The following PIGN variants were observed in gnomAD, a reference collection of about 807,000 sequenced individuals.
PIGN encodes GPI ethanolamine phosphate transferase 1.
PIGN carries 117 observed loss-of-function variants against 125.4 expected under a neutral mutation model. The observed-to-expected ratio is 0.93, with a 90% CI of 0.80 to 1.09. The LOEUF (loss-of-function observed/expected upper bound fraction) is 1.09. Ranked by LOEUF, PIGN falls within the 50% of genes least tolerant of loss-of-function variation. The pLI is 0.00. For missense variants in PIGN, 1,075 were observed against 1,094.9 expected (o/e 0.98, Z 0.26); for synonymous variants, 392 against 377.8 (o/e 1.04, Z -0.44).
chr18:62,173,855 A>T (rs1248178125), intron 1 of PIGN, among the ~76,000 whole-genome samples: 2 of 152,208 alleles, frequency 1.3e-5, no homozygotes, highest in African/African-American at 4.8e-5. Context: ...TTCCAATTGG[A>T]ACACAAGGAA....
intron 21 of PIGN, among the ~76,000 whole-genome samples, chr18:62,102,006 T>C (rs147749161): frequency 0.02 from 3,004 of 151,970 alleles, 103 homozygotes; most frequent in African/African-American, 0.069. Flanking sequence ...GGTGGGTGGA[T>C]CACCTGAGGT....
At chr18:62,166,182 C>T (rs2037128157) in intron 1 of PIGN, among the ~76,000 whole-genome samples, 1 of 152,170 alleles carries the variant, frequency 6.6e-6, no homozygotes, top group Non-Finnish European at 1.5e-5. Context: ...GCAGGACCTT[C>T]TTGCTTTTAG....
At chr18:62,126,258 C>T (rs371370780) in intron 14 of PIGN, among the ~76,000 whole-genome samples, 2 of 152,068 alleles carry the variant, frequency 1.3e-5, no homozygotes, top group South Asian at 2.1e-4. Context: ...AATTATCATA[C>T]TTTCTAGTGA....
At chr18:62,038,162 G>A (rs545588005), downstream of PIGN, among the ~76,000 whole-genome samples, 34 of 152,260 alleles carry the variant, frequency 2.2e-4, no homozygotes, top group African/African-American at 7.7e-4. Flanking sequence ...GTCTGAATCA[G>A]TTTTCATGGA....
intron 1 of PIGN, among the ~76,000 whole-genome samples, chr18:62,169,954 G>A (rs1390041890): frequency 1.3e-5 from 2 of 152,146 alleles, no homozygotes; most frequent in African/African-American, 4.8e-5. Flanking sequence ...TGACAAACTA[G>A]TTGTTTTCCA....
intron 1 of PIGN, among the ~76,000 whole-genome samples, chr18:62,182,112 G>C (rs2037738998): frequency 6.6e-6 from 1 of 152,096 alleles, no homozygotes; most frequent in African/African-American, 2.4e-5. Context: ...GACCAATGTT[G>C]AACAGTCTCT....
intron 30 of PIGN, among the ~76,000 whole-genome samples, chr18:62,046,230 T>C (rs1217902187): frequency 1.3e-5 from 2 of 152,068 alleles, no homozygotes; most frequent in African/African-American, 4.8e-5. Context: ...AATGCTCAAG[T>C]CCCTGATATA....
intron 30 of PIGN, among the ~76,000 whole-genome samples, chr18:62,066,829 C>T (rs1407630676): frequency 6.6e-6 from 1 of 152,146 alleles, no homozygotes; most frequent in Non-Finnish European, 1.5e-5. Context: ...TAGGGACATT[C>T]ACTCCTTCTA....
At chr18:62,122,319 A>G (rs1254847408) in intron 14 of PIGN, among the ~76,000 whole-genome samples, 1 of 152,190 alleles carries the variant, frequency 6.6e-6, no homozygotes, top group Non-Finnish European at 1.5e-5. Context: ...CAATTTTACA[A>G]AGAAAATTTT....
chr18:62,068,700 G>A (rs906140775), intron 30 of PIGN, among the ~76,000 whole-genome samples: 3 of 152,074 alleles, frequency 2.0e-5, no homozygotes, highest in South Asian at 2.1e-4. Context: ...TGAAATGCTC[G>A]CTTGATTTTC....
chr18:62,113,698 T>C (rs542175486), intron 15 of PIGN, among the ~76,000 whole-genome samples: 1 of 152,266 alleles, frequency 6.6e-6, no homozygotes, highest in African/African-American at 2.4e-5. Flanking sequence ...AAATCAGTTA[T>C]AAAACATCAT....
At chr18:62,153,920 A>G (rs1329847968) in intron 7 of PIGN, 1 of 152,174 alleles carries the variant, frequency 6.6e-6, no homozygotes, top group Non-Finnish European at 1.5e-5. Context: ...GAGATGAGGA[A>G]TAATGCACTG....
intron 3 of PIGN, 146 bp downstream of exon 3, chr18:62,162,107 C>A (rs1221253213): frequency 6.6e-6 from 1 of 152,090 alleles, no homozygotes; most frequent in Non-Finnish European, 1.5e-5. Context: ...TTTGTGCACA[C>A]ATCACATGCA....
Position 62,054,489 on chromosome 18 carries a change from A to ATTTT in PIGN, c.2673-8514_2673-8511dup, listed in dbSNP as rs367909088. ...TCAACAAAATACTTTTTTTTTTCCT[A>ATTTT]TTTTTTTTTTTTTTTTTTTTTAGGC... On this transcript the variant is annotated intron_variant, in intron 30 of 30. Coordinates refer to ENST00000640252, the MANE Select transcript of PIGN (RefSeq NM_176787.5). Among the ~76,000 whole-genome samples the ATTTT allele has an allele frequency of 2.8e-3, 331 of 117,280 alleles. 6 individuals carry two copies. The highest frequency in any genetic ancestry group is 9.9e-3 in the African/African-American group (315 of 31,736). The allele number at this position is 117,280 out of a possible 152,430, so 76.9% of individuals were successfully genotyped here.
intron 1 of PIGN, among the ~76,000 whole-genome samples, chr18:62,175,052 T>TC: frequency 1.5e-5 from 2 of 136,762 alleles, no homozygotes. Context: ...TAAATATATA[T>TC]TTTTATATAT....
At position 62,072,637 on chromosome 18, in the gene PIGN, CTGT is replaced by C. The variant is rs908957449; in HGVS notation, c.2672+33_2672+35del. The C allele has an allele frequency of 6.0e-6, 9 of 1,498,302 alleles. No homozygotes were observed. In the African/African-American group the frequency reaches 1.2e-4, roughly 21 times the overall value. The allele number at this position is 1,498,302 out of a possible 1,614,324, so 92.8% of individuals were successfully genotyped here. On this transcript the variant is annotated intron_variant, in intron 30 of 30. Transcript: ENST00000640252. Reference sequence around the variant, plus strand: ...ACAATATATTTCTCAGAACTTATCCCTGTTGTTAAGCAATGCATGACCATATAT... The same window carrying C: ...ACAATATATTTCTCAGAACTTATCCCTGTTAAGCAATGCATGACCATATAT...
In PIGN at chr18:62,157,192, A is replaced by G. The variant is rs768371038; in HGVS notation, c.379T>C (p.Phe127Leu). 6.2e-7 allele frequency: 1 copy of G among 1,608,558 alleles called. No individual in the cohort carries two copies. Among genetic ancestry groups the G allele is most frequent in the African/African-American group, 1.3e-5 (1 of 74,978 alleles). ...KENPVEFDSL[F>L]NESKYTWSWG... ...CTCCATGTGTATTTACTTTCATTAA[A>G]AAGAGAATCAAACTCTACAGGATTT... is the stretch of plus-strand genomic sequence containing the variant. The change falls in exon 6 of 31, where the codon TTT (phenylalanine) becomes CTT (leucine). Residue 127 changes from phenylalanine to leucine, a missense_variant. By Grantham distance (22) the Phe-to-Leu change is conservative. This residue lies in a region of PIGN where 152 missense variants were observed against 162.9 expected (regional missense o/e 0.93). Coordinates refer to ENST00000640252, the MANE Select transcript of PIGN (RefSeq NM_176787.5).
Position 62,041,640 on chromosome 18 carries a change from G to GGGGTGTGTGTGTGTGTGTGTGT in PIGN, c.*4215_*4216insACACACACACACACACACACCC, listed in dbSNP as rs1355691128. 1.0e-4 allele frequency: 8 copies of GGGGTGTGTGTGTGTGTGTGTGT among 77,542 alleles called. 1 individual carries two copies. Among genetic ancestry groups the GGGGTGTGTGTGTGTGTGTGTGT allele is most frequent in the Non-Finnish European group, 2.0e-4 (8 of 40,874 alleles). 4.8% of individuals were successfully genotyped at this position (77,542 alleles called of 1,614,324 possible). ...ATTACAGGAGCCTACCACCCCGCCG[G>GGGGTGTGTGTGTGTGTGTGTGT]GTGTGTGTGTGTGTGTGTGTGTGTG... On this transcript the variant is annotated 3_prime_UTR_variant, in exon 31 of 31. Transcript: ENST00000640252.
chr18:62,072,418 C>G (rs1298929703), intron 30 of PIGN: 2 of 295,714 alleles, frequency 6.8e-6, no homozygotes, highest in Admixed American at 1.0e-4. Flanking sequence ...TTTACTATAC[C>G]TTTTCTATGT....
Sources: allele counts gnomAD v4.1 joint callset (sites outside exome capture counted in the v4.1 genomes callset), GRCh38; gene constraint gnomAD v4.1.1; regional missense constraint gnomAD v4.1.1; transcripts MANE v1.5; gene names NCBI Gene and HGNC (gene_info 2026-07-23, HGNC 2026-07-21).